Variants in FGGY observed in about 807,000 individuals in gnomAD.
The protein encoded by FGGY is FGGY carbohydrate kinase domain-containing protein.
FGGY carries 72 observed loss-of-function variants against 71.3 expected under a neutral mutation model. That is an observed-to-expected ratio of 1.01 (90% CI 0.84 to 1.23). The LOEUF (loss-of-function observed/expected upper bound fraction) is 1.23. Among genes scored for constraint, FGGY ranks in the 50% most tolerant of loss-of-function variants. FGGY has a pLI of 0.00. For missense variants in FGGY, 668 were observed against 682.3 expected, an observed-to-expected ratio of 0.98 and a Z score of 0.23; for synonymous variants, 251 against 250.3, an observed-to-expected ratio of 1.00 and a Z score of -0.02.
At chr1:59,413,689 C>T (rs1198459092) in intron 5 of FGGY, among the ~76,000 whole-genome samples, 1 of 152,128 alleles carries the variant, frequency 6.6e-6, no homozygotes, top group East Asian at 1.9e-4. Flanking sequence ...AGATTTGGGG[C>T]CAGACACATG....
At chr1:59,548,167 A>G (rs2095555346) in intron 7 of FGGY, among the ~76,000 whole-genome samples, 1 of 152,162 alleles carries the variant, frequency 6.6e-6, no homozygotes, top group Non-Finnish European at 1.5e-5. Flanking sequence ...TGATGCTGCA[A>G]CTGAGTCTTC....
At chr1:59,510,793 C>T (rs976753231) in intron 6 of FGGY, among the ~76,000 whole-genome samples, 14 of 151,980 alleles carry the variant, frequency 9.2e-5, no homozygotes, top group South Asian at 4.2e-4. Context: ...GTGTATTTTC[C>T]GCTTAACACC....
At chr1:59,688,955 G>A (rs2097567428) in intron 14 of FGGY, among the ~76,000 whole-genome samples, 1 of 152,002 alleles carries the variant, frequency 6.6e-6, no homozygotes, top group Non-Finnish European at 1.5e-5. Flanking sequence ...TCACCATATT[G>A]GCCAGGCTGG....
intron 13 of FGGY, among the ~76,000 whole-genome samples, chr1:59,670,920 C>A (rs370762441): frequency 2.6e-5 from 4 of 152,102 alleles, no homozygotes; most frequent in African/African-American, 9.7e-5. Context: ...TGTTAAGTTT[C>A]CCCCACTGAC....
chr1:59,357,596 ATG>A (rs147032443), intron 4 of FGGY, among the ~76,000 whole-genome samples: 1 of 151,428 alleles, frequency 6.6e-6, no homozygotes, highest in African/African-American at 2.4e-5. Context: ...ATTCTGGTAT[ATG>A]TGTGTGTGTG....
intron 1 of FGGY, among the ~76,000 whole-genome samples, chr1:59,319,961 T>A (rs900947335): frequency 1.3e-5 from 2 of 152,170 alleles, no homozygotes; most frequent in African/African-American, 4.8e-5. Flanking sequence ...AAATAATGGC[T>A]TGAAGAAAAG....
chr1:59,570,492 G>A (rs1394324876), intron 8 of FGGY, among the ~76,000 whole-genome samples: 2 of 152,138 alleles, frequency 1.3e-5, no homozygotes, highest in African/African-American at 4.8e-5. Context: ...GTAGGTCTGG[G>A]TAAGACATAC....
chr1:59,628,835 C>T (rs963280389), intron 10 of FGGY, among the ~76,000 whole-genome samples: 2 of 152,138 alleles, frequency 1.3e-5, no homozygotes, highest in African/African-American at 2.4e-5. Context: ...TCAGCTTTGT[C>T]GCTTATTCAC....
At chr1:59,734,217 T>C (rs2098078358) in intron 14 of FGGY, among the ~76,000 whole-genome samples, 1 of 152,196 alleles carries the variant, frequency 6.6e-6, no homozygotes, top group South Asian at 2.1e-4. Context: ...AATAAGTTCT[T>C]TTCTGAGACA....
At chr1:59,530,801 G>T (rs558611490) in intron 7 of FGGY, among the ~76,000 whole-genome samples, 1 of 152,274 alleles carries the variant, frequency 6.6e-6, no homozygotes, top group East Asian at 1.9e-4. Context: ...AAGTGTGAGA[G>T]ATATATGTGG....
intron 7 of FGGY, among the ~76,000 whole-genome samples, chr1:59,545,089 G>T (rs927214226): frequency 6.6e-6 from 1 of 152,266 alleles, no homozygotes; most frequent in Admixed American, 6.5e-5. Flanking sequence ...CTGGTCATTC[G>T]CATAGTGTCT....
At chr1:59,433,343 A>G (rs2067769352) in intron 5 of FGGY, among the ~76,000 whole-genome samples, 1 of 152,216 alleles carries the variant, frequency 6.6e-6, no homozygotes, top group African/African-American at 2.4e-5. Context: ...AATGAAGGCC[A>G]AGGAGCCTTG....
chr1:59,305,242 A>G (rs1244854511), intron 1 of FGGY, among the ~76,000 whole-genome samples: 1 of 152,106 alleles, frequency 6.6e-6, no homozygotes, highest in Admixed American at 6.5e-5. Flanking sequence ...TTCTATATCT[A>G]ATTTGTGATA....
At chr1:59,346,936 C>T (rs2153220816) in intron 4 of FGGY, among the ~76,000 whole-genome samples, 1 of 144,566 alleles carries the variant, frequency 6.9e-6, no homozygotes, top group African/African-American at 2.6e-5. Flanking sequence ...CCCGGCCATC[C>T]AAAATCAATT....
chr1:59,716,517 G>C (rs1434732657), intron 14 of FGGY, among the ~76,000 whole-genome samples: 2 of 152,130 alleles, frequency 1.3e-5, no homozygotes, highest in Non-Finnish European at 2.9e-5. Flanking sequence ...CAGAGGAAAC[G>C]TTGCTAGGAA....
At chr1:59,328,796 C>T (rs547813897) in intron 2 of FGGY, among the ~76,000 whole-genome samples, 16 of 151,762 alleles carry the variant, frequency 1.1e-4, no homozygotes, top group East Asian at 5.8e-4. Context: ...AGTTGTGTCT[C>T]GGGGGTAGGG....
rs189338495 is a variant in FGGY, at chr1:59,728,046, T to C, written c.1513-29885T>C. Among the ~76,000 whole-genome samples the C allele has an allele frequency of 9.5e-4, 144 of 152,274 alleles. 1 individual carries two copies. The highest frequency in any genetic ancestry group is 3.2e-3 in the African/African-American group (134 of 41,582). On this transcript the variant is annotated intron_variant, in intron 14 of 15. Transcript: ENST00000303721. Reference sequence around the variant, plus strand: ...TTCACATTTAAAGTGATTATTGATATAGTTGGGTTATTATCTACCATGTTT... The same window carrying C: ...TTCACATTTAAAGTGATTATTGATACAGTTGGGTTATTATCTACCATGTTT...
chr1:59,515,486 T>C (rs2094619882), intron 7 of FGGY, among the ~76,000 whole-genome samples: 1 of 152,124 alleles, frequency 6.6e-6, no homozygotes, highest in Admixed American at 6.6e-5. Flanking sequence ...GGTTTTGAAA[T>C]GTGAGGACCT....
intron 5 of FGGY, among the ~76,000 whole-genome samples, chr1:59,404,965 C>T (rs565482612): frequency 4.6e-5 from 7 of 152,260 alleles, no homozygotes; most frequent in South Asian, 2.1e-4. Context: ...AAATGCAACA[C>T]GTGATGATGA....
Sources: allele counts gnomAD v4.1 joint callset (sites outside exome capture counted in the v4.1 genomes callset), GRCh38; gene constraint gnomAD v4.1.1; transcripts MANE v1.5; gene names NCBI Gene and HGNC (gene_info 2026-07-23, HGNC 2026-07-21).